The following WWOX variants were observed in gnomAD, a reference collection of about 807,000 sequenced individuals.
The protein encoded by WWOX is WW domain-containing oxidoreductase.
A neutral mutation model predicts 46.2 loss-of-function variants in WWOX; 69 were observed. The ratio of observed to expected loss-of-function variants is 1.49; its 90% CI spans 1.23 to 1.82. The LOEUF (loss-of-function observed/expected upper bound fraction) is 1.82. Among genes scored for constraint, WWOX ranks in the 40% most tolerant of loss-of-function variants. The pLI is 0.00. For missense variants in WWOX, 919 were observed against 542.6 expected, an observed-to-expected ratio of 1.69 and a Z score of -6.89; for synonymous variants, 359 against 202.6, an observed-to-expected ratio of 1.77 and a Z score of -6.56.
chr16:79,056,609 T>C (rs1293653384), intron 8 of WWOX, among the ~76,000 whole-genome samples: 1 of 152,178 alleles, frequency 6.6e-6, no homozygotes, highest in Non-Finnish European at 1.5e-5. Flanking sequence ...ATCCCTGGCC[T>C]CTACCCACTA....
chr16:78,690,063 G>A (rs1339821541), intron 8 of WWOX, among the ~76,000 whole-genome samples: 4 of 152,084 alleles, frequency 2.6e-5, no homozygotes, highest in Non-Finnish European at 5.9e-5. Context: ...GTTTCACCAT[G>A]TTGACCAGGC....
chr16:79,016,862 G>T (rs149342740), intron 8 of WWOX: 1 of 152,054 alleles, frequency 6.6e-6, no homozygotes, highest in Non-Finnish European at 1.5e-5. Flanking sequence ...TTTCGATAAC[G>T]CCCCTCTGTG....
intron 4 of WWOX, among the ~76,000 whole-genome samples, chr16:78,147,696 TAAA>T (rs754297519): frequency 1.5e-3 from 157 of 104,882 alleles, no homozygotes; most frequent in South Asian, 2.4e-3. Flanking sequence ...TTTTTTTTTT[TAAA>T]AAAAAAAAAG....
chr16:78,589,215 A>G (rs1320462109), intron 8 of WWOX, among the ~76,000 whole-genome samples: 1 of 152,194 alleles, frequency 6.6e-6, no homozygotes, highest in African/African-American at 2.4e-5. Context: ...TTATTGCGGT[A>G]AGTGCTCAGG....
chr16:78,559,351 A>G (rs1174655473), intron 8 of WWOX, among the ~76,000 whole-genome samples: 1 of 152,204 alleles, frequency 6.6e-6, no homozygotes, highest in East Asian at 1.9e-4. Context: ...TCCCGGCAAG[A>G]GATCATGGAG....
At chr16:78,634,837 A>AGAGAGAGAGAGAGTGT (rs1346762709) in intron 8 of WWOX, among the ~76,000 whole-genome samples, 8 of 111,714 alleles carry the variant, frequency 7.2e-5, no homozygotes, top group Non-Finnish European at 1.3e-4. Flanking sequence ...AGAGAGAGAG[A>AGAGAGAGAGAGAGTGT]GTGTGTGTGT....
At chr16:78,191,104 G>A (rs948523236) in intron 5 of WWOX, among the ~76,000 whole-genome samples, 4 of 152,182 alleles carry the variant, frequency 2.6e-5, no homozygotes, top group African/African-American at 7.2e-5. Flanking sequence ...GACTAGACCA[G>A]GCAAGATGAT....
At position 78,585,117 on chromosome 16, in the gene WWOX, A is replaced by G. The variant is rs147296088; in HGVS notation, c.1056+152365A>G. 3.8e-3 allele frequency among the ~76,000 whole-genome samples: 580 copies of G among 152,312 alleles called. 2 individuals are homozygous for G. Among genetic ancestry groups the G allele is most frequent in the African/African-American group, 0.014 (564 of 41,572 alleles). On this transcript the variant is annotated intron_variant, in intron 8 of 8. Transcript: ENST00000566780. ...GAACCTAAAAAGAAATTCTTTAGCC[A>G]TGTCCGTGTGAACTAAATTCAGCGT... is the stretch of plus-strand genomic sequence containing the variant.
chr16:78,978,830 C>T (rs893509901), intron 8 of WWOX, among the ~76,000 whole-genome samples: 1 of 152,166 alleles, frequency 6.6e-6, no homozygotes, highest in Non-Finnish European at 1.5e-5. Context: ...TCAGTCACCT[C>T]CCACCAGGCC....
intron 4 of WWOX, among the ~76,000 whole-genome samples, chr16:78,138,614 T>C (rs1597253973): frequency 6.6e-6 from 1 of 152,216 alleles, no homozygotes; most frequent in South Asian, 2.1e-4. Flanking sequence ...TGAAAGAAGA[T>C]TTTTTAAATT....
chr16:78,342,329 A>C (rs2081031484), intron 5 of WWOX, among the ~76,000 whole-genome samples: 1 of 120,718 alleles, frequency 8.3e-6, no homozygotes, highest in African/African-American at 2.8e-5. Context: ...GTTGGCTGGA[A>C]GGTCCACCCT....
rs538055235 is a variant in WWOX at position 79,212,014 on chromosome 16, G to T, written c.*218G>T. On this transcript the variant is annotated 3_prime_UTR_variant, in exon 9 of 9. Transcript: ENST00000566780. ...TTTTCTGGGGCTGGGCTAGGCATAG[G>T]TCTCTTTGCTTTCTGGTGGTGGCCT... is the stretch of plus-strand genomic sequence containing the variant. The T allele has an allele frequency of 8.5e-6, 13 of 1,536,240 alleles. No individual in the cohort carries two copies. The highest frequency in any genetic ancestry group is 5.9e-5 in the Admixed American group (3 of 51,002).
At chr16:78,368,804 G>C (rs1256833074) in intron 5 of WWOX, among the ~76,000 whole-genome samples, 1 of 152,174 alleles carries the variant, frequency 6.6e-6, no homozygotes, top group East Asian at 1.9e-4. Flanking sequence ...TTGGGCCATG[G>C]GATAGGTGAC....
chr16:78,107,275 C>G (rs144033030), intron 1 of WWOX, among the ~76,000 whole-genome samples: 13 of 152,248 alleles, frequency 8.5e-5, no homozygotes, highest in African/African-American at 3.1e-4. Flanking sequence ...ACCTTATTAC[C>G]TGGTGACACG....
intron 8 of WWOX, among the ~76,000 whole-genome samples, chr16:78,450,858 T>G (rs2083674495): frequency 6.6e-6 from 1 of 152,188 alleles, no homozygotes; most frequent in South Asian, 2.1e-4. Flanking sequence ...AAGAAAACAT[T>G]ATATTTCAAA....
At chr16:78,321,823 C>T (rs370224553) in intron 5 of WWOX, among the ~76,000 whole-genome samples, 5 of 152,058 alleles carry the variant, frequency 3.3e-5, no homozygotes, top group Non-Finnish European at 7.3e-5. Context: ...CTCTAAAGAG[C>T]GACGCTTGGA....
chr16:78,796,520 G>A (rs2050742142), intron 8 of WWOX, among the ~76,000 whole-genome samples: 2 of 152,238 alleles, frequency 1.3e-5, no homozygotes, highest in Admixed American at 1.3e-4. Flanking sequence ...CAAGAGAAAT[G>A]TTTTCAGTGA....
At chr16:78,833,422 T>TCTCCTC (rs56086314) in intron 8 of WWOX, among the ~76,000 whole-genome samples, 24 of 150,380 alleles carry the variant, frequency 1.6e-4, no homozygotes, top group African/African-American at 4.4e-4. Context: ...GGCCCAGCCA[T>TCTCCTC]CTCCTCCTCC....
At chr16:78,770,693 G>T (rs182199279) in intron 8 of WWOX, among the ~76,000 whole-genome samples, 109 of 148,752 alleles carry the variant, frequency 7.3e-4, no homozygotes, top group African/African-American at 2.4e-3. Context: ...CGCCCACAGG[G>T]AGATGCCCCT....
Sources: gnomAD v4.1 joint callset for allele counts (sites outside exome capture counted in the v4.1 genomes callset) on GRCh38, gnomAD v4.1.1 for gene constraint, MANE v1.5 for transcripts, NCBI Gene and HGNC (gene_info 2026-07-23, HGNC 2026-07-21) for gene names.